Variants in SDK1 observed in about 807,000 individuals in gnomAD.
The protein encoded by SDK1 is protein sidekick-1.
Under a neutral mutation model 245.5 loss-of-function variants are expected in SDK1, and 157 were observed. The observed-to-expected ratio is 0.64, with a 90% CI of 0.56 to 0.73. The LOEUF (loss-of-function observed/expected upper bound fraction) is 0.73, where lower values mean the gene tolerates loss of function less well. SDK1 is among the 30% of genes least tolerant of loss of function. The pLI, the probability that SDK1 is intolerant of heterozygous loss-of-function variation, is 0.00. For synonymous variants in SDK1, 1,647 were observed against 1,278.5 expected (o/e 1.29, Z -6.15); for missense variants, 3,583 against 3,002.3 (o/e 1.19, Z -4.52).
intron 5 of SDK1, among the ~76,000 whole-genome samples, chr7:3,837,767 ATAATT>A (rs1780058448): frequency 1.5e-5 from 2 of 137,882 alleles, no homozygotes; most frequent in African/African-American, 6.5e-5. Context: ...AAGTGAATTT[ATAATT>A]TAATTTAAAC....
At chr7:3,852,488 C>T (rs1277109364) in intron 5 of SDK1, among the ~76,000 whole-genome samples, 1 of 151,664 alleles carries the variant, frequency 6.6e-6, no homozygotes, top group African/African-American at 2.4e-5. Flanking sequence ...TGGCTCACAC[C>T]TGTAATCCCA....
chr7:4,110,863 G>C (rs780050085), intron 23 of SDK1, 91 bp downstream of exon 23: 3 of 841,382 alleles, frequency 3.6e-6, no homozygotes, highest in Admixed American at 1.9e-5. Context: ...CCAGTCGTAC[G>C]TATGCAAATC....
chr7:3,381,619 G>A (rs1260835388), intron 1 of SDK1, among the ~76,000 whole-genome samples: 3 of 152,164 alleles, frequency 2.0e-5, no homozygotes, highest in South Asian at 2.1e-4. Flanking sequence ...CATTAAAGAC[G>A]TTTGAGAAGG....
chr7:3,342,346 T>C (rs772736187), intron 1 of SDK1, among the ~76,000 whole-genome samples: 1 of 151,972 alleles, frequency 6.6e-6, no homozygotes, highest in Admixed American at 6.5e-5. Context: ...CCCAGAACTT[T>C]GGGAGGCCGA....
In SDK1 at chr7:3,619,085, G is replaced by A; in HGVS notation, c.304G>A (p.Val102Ile). The A allele has an allele frequency of 1.3e-6, 2 of 1,593,314 alleles. No individual in the cohort carries two copies. The highest frequency in any genetic ancestry group is 1.7e-6 in the Non-Finnish European group (2 of 1,166,630). ...HLLRALAQDD[V>I]APYFKTEPGL... ...TTTGTTTTTTAATATTTCAGATGATGTTGCTCCATATTTTAAAACGGAGCC... is the reference window on the plus strand; with the variant it reads ...TTTGTTTTTTAATATTTCAGATGATATTGCTCCATATTTTAAAACGGAGCC... The change falls in exon 2 of 45, where the codon GTT becomes ATT. Residue 102 changes from valine (V) to isoleucine (I), a missense_variant. Val to Ile is a conservative substitution (Grantham distance 29). Coordinates refer to ENST00000404826, the MANE Select transcript of SDK1 (RefSeq NM_152744.4).
chr7:4,143,071 AACTC>A (rs1779688779), intron 28 of SDK1, among the ~76,000 whole-genome samples: 1 of 152,130 alleles, frequency 6.6e-6, no homozygotes, highest in Admixed American at 6.5e-5. Context: ...GTAGGTAGTT[AACTC>A]AATCAGGCAT....
chr7:3,530,798 G>C (rs1270625398), intron 1 of SDK1, among the ~76,000 whole-genome samples: 1 of 152,146 alleles, frequency 6.6e-6, no homozygotes, highest in African/African-American at 2.4e-5. Context: ...GTGAGTCTTT[G>C]AATTTCATCT....
At chr7:3,391,882 C>G (rs55986112) in intron 1 of SDK1, among the ~76,000 whole-genome samples, 112,972 of 151,136 alleles carry the variant, frequency 0.75, 42,405 homozygotes, top group South Asian at 0.84. Context: ...ACCTGCGTTG[C>G]CCTCCCAAAG....
intron 20 of SDK1, among the ~76,000 whole-genome samples, chr7:4,068,640 GCAGTGAGATCT>G: frequency 6.6e-6 from 1 of 152,126 alleles, no homozygotes. Flanking sequence ...AGGCCCCTGG[GCAGTGAGATCT>G]CCTCTCCTGG....
chr7:3,551,253 T>G, intron 1 of SDK1, among the ~76,000 whole-genome samples: 1 of 152,218 alleles, frequency 6.6e-6, no homozygotes, highest in Non-Finnish European at 1.5e-5. Flanking sequence ...CATATAACAT[T>G]AATGTGTCAG....
chr7:3,951,336 T>C (rs74943427), intron 6 of SDK1, among the ~76,000 whole-genome samples: 4,853 of 152,204 alleles, frequency 0.032, 275 homozygotes, highest in African/African-American at 0.11. Flanking sequence ...AGTTCATTGC[T>C]CTTCTCCTCT....
chr7:3,636,120 T>C (rs2128649844), intron 2 of SDK1, among the ~76,000 whole-genome samples: 1 of 152,338 alleles, frequency 6.6e-6, no homozygotes, highest in South Asian at 2.1e-4. Context: ...AGTTGGGAGA[T>C]AATTATACGC....
At chr7:3,932,069 T>C (rs1290754207) in intron 5 of SDK1, among the ~76,000 whole-genome samples, 2 of 152,228 alleles carry the variant, frequency 1.3e-5, no homozygotes, top group East Asian at 1.9e-4. Flanking sequence ...GCCACGTTTT[T>C]AATAGGCCCA....
chr7:3,485,668 GATGATCTTTGGAGGGTTTTTTTT>G (rs1483092225), intron 1 of SDK1, among the ~76,000 whole-genome samples: 1 of 71,950 alleles, frequency 1.4e-5, no homozygotes, highest in Non-Finnish European at 2.9e-5. Context: ...GTGCTGAGGG[GATGATCTTTGGAGGGTTTTTTTT>G]TTTTTTTTTT....
At chr7:4,142,748 C>A (rs970334479) in intron 28 of SDK1, among the ~76,000 whole-genome samples, 1 of 152,228 alleles carries the variant, frequency 6.6e-6, no homozygotes, top group African/African-American at 2.4e-5. Flanking sequence ...CAGGCGTGAG[C>A]CACTGTGCCT....
At chr7:3,617,947 G>A (rs959747304) in intron 1 of SDK1, among the ~76,000 whole-genome samples, 3 of 152,184 alleles carry the variant, frequency 2.0e-5, no homozygotes, top group Non-Finnish European at 2.9e-5. Context: ...GGAGTGCTCG[G>A]TGTGAGCAGA....
chr7:3,308,086 C>A (rs1454779128), intron 1 of SDK1, among the ~76,000 whole-genome samples: 1 of 152,088 alleles, frequency 6.6e-6, no homozygotes, highest in South Asian at 2.1e-4. Context: ...TTTACTCTAG[C>A]CTAAAAATGG....
In SDK1 at chr7:3,457,364, C is replaced by CT. The variant is rs796333799; in HGVS notation, c.298+155488dup. 5.3e-5 allele frequency among the ~76,000 whole-genome samples: 8 copies of CT among 152,142 alleles called. 1 individual carries two copies. The highest frequency in any genetic ancestry group is 1.9e-4 in the East Asian group (1 of 5,164). ...TTCTTCTTGCAGGAAGAAAATTTAACTTTTTTTTCTGATTCTTGTGCCTTT... is the reference window on the plus strand; with the variant it reads ...TTCTTCTTGCAGGAAGAAAATTTAACTTTTTTTTTCTGATTCTTGTGCCTTT... On this transcript the variant is annotated intron_variant, in intron 1 of 44. Transcript: ENST00000404826.
chr7:3,995,054 T>G (rs1784600073), intron 14 of SDK1, among the ~76,000 whole-genome samples: 1 of 152,192 alleles, frequency 6.6e-6, no homozygotes, highest in African/African-American at 2.4e-5. Flanking sequence ...AGGTTCTCGT[T>G]CCCTGAAGAG....
Sources: gnomAD v4.1 joint callset for allele counts (sites outside exome capture counted in the v4.1 genomes callset) on GRCh38, gnomAD v4.1.1 for gene constraint, MANE v1.5 for transcripts, NCBI Gene and HGNC (gene_info 2026-07-23, HGNC 2026-07-21) for gene names.